DTNB: variants seen among roughly 807,000 people sequenced by gnomAD.
DTNB encodes DTN-B.
Under a neutral mutation model 90.7 loss-of-function variants are expected in DTNB, and 63 were observed. That is an observed-to-expected ratio of 0.69 (90% confidence interval 0.57 to 0.86). The LOEUF (loss-of-function observed/expected upper bound fraction) is 0.86. Ranked by LOEUF, DTNB falls within the 40% of genes least tolerant of loss-of-function variation. The pLI is 0.00. For synonymous variants in DTNB, 277 were observed against 286.7 expected (o/e 0.97, Z 0.34); for missense variants, 744 against 807.1 (o/e 0.92, Z 0.95).
At chr2:25,573,902 A>G (rs1488660831) in intron 8 of DTNB, among the ~76,000 whole-genome samples, 1 of 152,188 alleles carries the variant, frequency 6.6e-6, no homozygotes, top group Non-Finnish European at 1.5e-5. Flanking sequence ...GGGTTGCTGG[A>G]TATTCTTCTC....
intron 19 of DTNB, 178 bp from the exon 20 acceptor site, chr2:25,379,501 T>G: frequency 1.4e-6 from 1 of 718,552 alleles, no homozygotes; most frequent in South Asian, 7.4e-5. Flanking sequence ...TCATACTTTC[T>G]ACTACTGTAG....
intron 2 of DTNB, 96 bp downstream of exon 2, chr2:25,652,498 A>T: frequency 7.7e-7 from 1 of 1,302,844 alleles, no homozygotes; most frequent in Non-Finnish European, 1.0e-6. Flanking sequence ...CTTATAACAT[A>T]AAAGTTGTAA....
rs1380751678 is a variant in DTNB at position 25,569,905 on chromosome 2, T to C, written c.876+6933A>G. On this transcript the variant is annotated intron_variant, in intron 8 of 20. Transcript: ENST00000406818. ...TGAGGTCAGGAGTTTGAGACCAGCC[T>C]GGCCAACATGGTGAAACCCTGTCTC... Among the ~76,000 whole-genome samples, 3 of 152,042 alleles carry C rather than the reference T, an allele frequency of 2.0e-5. No homozygotes were observed. In the East Asian group the frequency reaches 5.8e-4, roughly 29 times the overall value.
chr2:25,510,020 G>C (rs144884146), intron 9 of DTNB, among the ~76,000 whole-genome samples: 699 of 151,830 alleles, frequency 4.6e-3, no homozygotes, highest in African/African-American at 0.015. Context: ...CAAAGTGCTG[G>C]GATTACAGGC....
intron 3 of DTNB, among the ~76,000 whole-genome samples, chr2:25,637,497 TAAAC>T (rs1307547139): frequency 1.3e-5 from 2 of 151,980 alleles, no homozygotes; most frequent in East Asian, 3.9e-4. Flanking sequence ...ACAAAGAACT[TAAAC>T]AAATTTACAA....
chr2:25,656,138 T>C (rs2082025508), intron 1 of DTNB, among the ~76,000 whole-genome samples: 1 of 152,222 alleles, frequency 6.6e-6, no homozygotes, highest in South Asian at 2.1e-4. Context: ...TAAATCCTTG[T>C]CTACAAGTCA....
intron 8 of DTNB, among the ~76,000 whole-genome samples, chr2:25,565,241 T>G (rs1023685939): frequency 3.3e-5 from 5 of 152,056 alleles, no homozygotes; most frequent in South Asian, 2.1e-4. Flanking sequence ...AACTGTGGGT[T>G]TTTCTTTCTT....
At chr2:25,450,399 GATT>G (rs1442688603) in intron 12 of DTNB, among the ~76,000 whole-genome samples, 1 of 152,064 alleles carries the variant, frequency 6.6e-6, no homozygotes, top group East Asian at 1.9e-4. Context: ...CTGTTCCTTT[GATT>G]TATTTGTTCA....
chr2:25,452,697 G>T (rs1357991060), intron 11 of DTNB, among the ~76,000 whole-genome samples: 1 of 151,234 alleles, frequency 6.6e-6, no homozygotes, highest in Admixed American at 6.6e-5. Flanking sequence ...ATAAAGACCT[G>T]TCTGAACTTT....
intron 9 of DTNB, among the ~76,000 whole-genome samples, chr2:25,526,496 A>G (rs2077221758): frequency 6.6e-6 from 1 of 150,384 alleles, no homozygotes. Flanking sequence ...CTCAAGTTCA[A>G]GTGAGTCTTC....
chr2:25,615,145 T>C (rs1488974686), intron 4 of DTNB, among the ~76,000 whole-genome samples: 1 of 152,172 alleles, frequency 6.6e-6, no homozygotes, highest in Non-Finnish European at 1.5e-5. Flanking sequence ...ATGAAGGATA[T>C]TATAAAAGAT....
chr2:25,519,969 T>A (rs937009264), intron 9 of DTNB, among the ~76,000 whole-genome samples: 1 of 152,172 alleles, frequency 6.6e-6, no homozygotes, highest in Non-Finnish European at 1.5e-5. Flanking sequence ...CAATAAATAC[T>A]GTGGAAGACA....
chr2:25,671,415 A>C (rs17047124), intron 1 of DTNB, among the ~76,000 whole-genome samples: 24,564 of 152,258 alleles, frequency 0.16, 2,579 homozygotes, highest in East Asian at 0.58. Flanking sequence ...GCCTGGAATA[A>C]GGCACCCAAT....
At chr2:25,393,580 T>C (rs1394572317) in intron 16 of DTNB, among the ~76,000 whole-genome samples, 1 of 152,132 alleles carries the variant, frequency 6.6e-6, no homozygotes, top group Non-Finnish European at 1.5e-5. Context: ...CTCTGCTATA[T>C]ATCAACAGCG....
chr2:25,615,596 C>T (rs1291717477), intron 4 of DTNB, among the ~76,000 whole-genome samples: 1 of 152,098 alleles, frequency 6.6e-6, no homozygotes, highest in African/African-American at 2.4e-5. Flanking sequence ...CACCTATCTA[C>T]AAGGGGGTAT....
intron 8 of DTNB, among the ~76,000 whole-genome samples, chr2:25,559,217 C>A (rs2057860200): frequency 2.0e-5 from 3 of 152,148 alleles, no homozygotes; most frequent in Admixed American, 2.0e-4. Flanking sequence ...CTCTCAAAAC[C>A]CTTCTCCTTG....
intron 16 of DTNB, among the ~76,000 whole-genome samples, chr2:25,415,589 G>A (rs879807843): frequency 4.6e-5 from 7 of 152,184 alleles, no homozygotes; most frequent in Admixed American, 2.6e-4. Context: ...GAAAGACCAC[G>A]GCATTATTAG....
chr2:25,537,628 T>C (rs1432615701), intron 8 of DTNB, among the ~76,000 whole-genome samples: 1 of 152,222 alleles, frequency 6.6e-6, no homozygotes, highest in Non-Finnish European at 1.5e-5. Context: ...CCTTAAAAGA[T>C]CTCAGATTAT....
chr2:25,396,645 G>A (rs1426713917), intron 16 of DTNB, among the ~76,000 whole-genome samples: 1 of 141,304 alleles, frequency 7.1e-6, no homozygotes, highest in Non-Finnish European at 1.5e-5. Context: ...CAAAACCTCA[G>A]AAATCACTAA....
Sources: allele counts gnomAD v4.1 joint callset (sites outside exome capture counted in the v4.1 genomes callset), GRCh38; gene constraint gnomAD v4.1.1; transcripts MANE v1.5; gene names NCBI Gene and HGNC (gene_info 2026-07-23, HGNC 2026-07-21).